FAM107B: variants seen among roughly 807,000 people sequenced by gnomAD.
FAM107B encodes family with sequence similarity 107 member B, also known as protein FAM107B.
In FAM107B, 21 loss-of-function variants were observed where a neutral mutation model predicts 31.5. The ratio of observed to expected loss-of-function variants is 0.67; its 90% CI spans 0.47 to 0.96. The LOEUF is 0.96. Ranked by LOEUF, FAM107B falls within the 40% of genes least tolerant of loss-of-function variation. FAM107B has a pLI of 0.00. For synonymous variants in FAM107B, 157 were observed against 141.5 expected, an observed-to-expected ratio of 1.11 and a Z score of -0.78; for missense variants, 452 against 377.1, an observed-to-expected ratio of 1.20 and a Z score of -1.64.
chr10:14,598,278 T>A (rs1283105861), intron 2 of FAM107B, among the ~76,000 whole-genome samples: 1 of 152,168 alleles, frequency 6.6e-6, no homozygotes, highest in African/African-American at 2.4e-5. Flanking sequence ...TCCCCTATGT[T>A]TTCTTCTAGG....
intron 1 of FAM107B, among the ~76,000 whole-genome samples, chr10:14,691,718 C>A (rs1318368528): frequency 6.6e-6 from 1 of 151,900 alleles, no homozygotes; most frequent in African/African-American, 2.4e-5. Context: ...CATGGTGAAA[C>A]CCCATCTCTA....
intron 2 of FAM107B, among the ~76,000 whole-genome samples, chr10:14,588,754 T>G (rs1851924454): frequency 6.6e-6 from 1 of 152,132 alleles, no homozygotes; most frequent in Non-Finnish European, 1.5e-5. Flanking sequence ...CTGATCTTTA[T>G]GAAATCTCAG....
At chr10:14,660,757 G>A (rs1441841199) in intron 2 of FAM107B, among the ~76,000 whole-genome samples, 1 of 152,196 alleles carries the variant, frequency 6.6e-6, no homozygotes, top group East Asian at 1.9e-4. Flanking sequence ...AGTAAATGAA[G>A]CCTCATTCTA....
intron 1 of FAM107B, among the ~76,000 whole-genome samples, chr10:14,736,068 C>G (rs1856293016): frequency 6.6e-6 from 1 of 152,052 alleles, no homozygotes; most frequent in African/African-American, 2.4e-5. Flanking sequence ...GGGGAGCGAG[C>G]AGATAACAAA....
chr10:14,547,146 A>T (rs1247940735), intron 2 of FAM107B, among the ~76,000 whole-genome samples: 1 of 152,198 alleles, frequency 6.6e-6, no homozygotes, highest in East Asian at 1.9e-4. Flanking sequence ...TTCTGGGTAC[A>T]CTGGCCCCGG....
Position 14,691,411 on chromosome 10 carries a change from C to A in FAM107B, c.412-23720G>T, listed in dbSNP as rs990805493. Reference sequence around the variant, plus strand: ...GCGCTCTGCAGGTTACTCTGCGGGCCAAGCTCCCTCGCCCTGCTGAGTGGT... The same window carrying A: ...GCGCTCTGCAGGTTACTCTGCGGGCAAAGCTCCCTCGCCCTGCTGAGTGGT... On this transcript the variant is annotated intron_variant, in intron 1 of 4. Coordinates refer to ENST00000181796, the MANE Select transcript of FAM107B (RefSeq NM_031453.4). Among the ~76,000 whole-genome samples the A allele has an allele frequency of 3.3e-5, 5 of 152,196 alleles. No homozygotes were observed. In the East Asian group the frequency reaches 5.8e-4, roughly 18 times the overall value.
chr10:14,760,958 G>A (rs1414288697), intron 1 of FAM107B, among the ~76,000 whole-genome samples: 4 of 141,150 alleles, frequency 2.8e-5, no homozygotes, highest in African/African-American at 8.3e-5. Flanking sequence ...GTTGCAGTGA[G>A]CTGAGATCGT....
At chr10:14,738,188 A>G (rs1468404081) in intron 1 of FAM107B, among the ~76,000 whole-genome samples, 3 of 152,228 alleles carry the variant, frequency 2.0e-5, no homozygotes, top group African/African-American at 7.2e-5. Context: ...CAAAGGTAAT[A>G]AATGACTGGA....
chr10:14,553,234 T>C, intron 2 of FAM107B: 1 of 516,292 alleles, frequency 1.9e-6, no homozygotes, highest in Non-Finnish European at 2.8e-6. Context: ...TCAATAATTA[T>C]ATCTGTTCAC....
intron 1 of FAM107B, among the ~76,000 whole-genome samples, chr10:14,717,601 C>A (rs142247910): frequency 9.9e-5 from 15 of 152,222 alleles, no homozygotes; most frequent in African/African-American, 3.6e-4. Context: ...AGAGAGAGTG[C>A]GAGAGACTCA....
intron 1 of FAM107B, among the ~76,000 whole-genome samples, chr10:14,693,110 TC>T (rs1249428927): frequency 3.3e-5 from 5 of 152,240 alleles, no homozygotes; most frequent in Non-Finnish European, 7.3e-5. Context: ...ATGTCTTTTA[TC>T]AAGTGGAATT....
intron 2 of FAM107B, among the ~76,000 whole-genome samples, chr10:14,554,447 T>A (rs1187738958): frequency 6.6e-6 from 1 of 152,032 alleles, no homozygotes; most frequent in African/African-American, 2.4e-5. Context: ...GGGAGAACCA[T>A]TAGATTAAAC....
At chr10:14,671,545 AC>A (rs1052263869) in intron 1 of FAM107B, among the ~76,000 whole-genome samples, 11 of 151,616 alleles carry the variant, frequency 7.3e-5, no homozygotes, top group Admixed American at 2.0e-4. Context: ...TTTTCTGGGG[AC>A]CCCCTCCCAT....
intron 1 of FAM107B, among the ~76,000 whole-genome samples, chr10:14,712,581 G>A (rs1432986172): frequency 6.7e-6 from 1 of 148,708 alleles, no homozygotes; most frequent in Non-Finnish European, 1.5e-5. Context: ...GGGATAGAAT[G>A]TGATTCCAGT....
At chr10:14,619,020 T>C (rs955827542) in intron 2 of FAM107B, among the ~76,000 whole-genome samples, 11 of 151,750 alleles carry the variant, frequency 7.2e-5, no homozygotes, top group Admixed American at 7.2e-4. Context: ...AGCTAAAGGG[T>C]GCCAAGGATT....
At chr10:14,570,233 G>GGTGT (rs57206586) in intron 2 of FAM107B, among the ~76,000 whole-genome samples, 3,990 of 140,364 alleles carry the variant, frequency 0.028, 146 homozygotes, top group African/African-American at 0.076. Context: ...AAATGTGGTG[G>GGTGT]GTGTGTGTGT....
At chr10:14,678,623 C>T (rs68120082) in intron 1 of FAM107B, among the ~76,000 whole-genome samples, 1 of 59,746 alleles carries the variant, frequency 1.7e-5, no homozygotes, top group Non-Finnish European at 4.7e-5. Flanking sequence ...CTCCTCTCCT[C>T]TCCTCTCTCT....
intron 2 of FAM107B, among the ~76,000 whole-genome samples, chr10:14,543,477 T>G (rs1238349272): frequency 6.6e-6 from 1 of 151,776 alleles, no homozygotes; most frequent in Non-Finnish European, 1.5e-5. Flanking sequence ...GTAGGACCCG[T>G]GACTCAGGAG....
In FAM107B at chr10:14,598,696, T is replaced by G. The variant is rs115639253; in HGVS notation, c.470-68181A>C. Among the ~76,000 whole-genome samples the G allele has an allele frequency of 6.0e-3, 917 of 152,288 alleles. 11 individuals are homozygous for G. Among genetic ancestry groups the G allele is most frequent in the African/African-American group, 0.021 (888 of 41,524 alleles). ...AAATCTGTTAAGAAGGTAGATCTCA[T>G]GTTAAGTGCTCTTATCGCAGTAACA... On this transcript the variant is annotated intron_variant, in intron 2 of 4. Transcript: ENST00000181796.
Sources: gnomAD v4.1 joint callset for allele counts (sites outside exome capture counted in the v4.1 genomes callset) on GRCh38, gnomAD v4.1.1 for gene constraint, MANE v1.5 for transcripts, NCBI Gene and HGNC (gene_info 2026-07-23, HGNC 2026-07-21) for gene names.